The following COBL variants were observed in gnomAD, a reference collection of about 807,000 sequenced individuals.
COBL encodes the protein cordon-bleu WH2 repeat protein.
In COBL, 51 loss-of-function variants were observed where a neutral mutation model predicts 98.8. The ratio of observed to expected loss-of-function variants is 0.52; its 90% CI spans 0.41 to 0.65. The LOEUF is 0.65. COBL is among the 30% of genes least tolerant of loss of function. The pLI, the probability that COBL is intolerant of heterozygous loss-of-function variation, is 0.00. For missense variants in COBL, 1,617 were observed against 1,617.5 expected (o/e 1.00, Z 0.01); for synonymous variants, 634 against 651.7 (o/e 0.97, Z 0.41).
In COBL at chr7:51,177,781, AAT is replaced by A. The variant is rs1377283521; in HGVS notation, c.783+6319_783+6320del. Among the ~76,000 whole-genome samples the A allele has an allele frequency of 3.5e-3, 104 of 29,936 alleles. 1 individual carries two copies. Among genetic ancestry groups the A allele is most frequent in the African/African-American group, 7.4e-3 (101 of 13,586 alleles). 19.6% of individuals were successfully genotyped at this position (29,936 alleles called of 152,430 possible). On this transcript the variant is annotated intron_variant, in intron 5 of 12. Transcript: ENST00000265136. ...GAGAGGACTCTGTCTCAAAAAAATA[AAT>A]AAATAAATAAATAAATAAATAAATA...
At chr7:51,032,441 C>G (rs1450166820) in intron 8 of COBL, 1 of 152,222 alleles carries the variant, frequency 6.6e-6, no homozygotes, top group Non-Finnish European at 1.5e-5. Flanking sequence ...GGTTTGTTTT[C>G]CGCTGATTGT....
chr7:51,172,318 C>T lies in COBL; in HGVS notation c.783+11784G>A, dbSNP rs534649486. ...GGGCAACTAAAAAAGAATCAATAGG[C>T]GGCTTTCGACTCTATCTAGACTACA... On this transcript the variant is annotated intron_variant, in intron 5 of 12. Transcript: ENST00000265136. 2.4e-4 allele frequency: 71 copies of T among 301,830 alleles called. 1 individual carries two copies. Among genetic ancestry groups the T allele is most frequent in the African/African-American group, 1.4e-3 (63 of 44,712 alleles). The allele number at this position is 301,830 out of a possible 1,614,324, so 18.7% of individuals were successfully genotyped here. A position where few individuals can be genotyped will look rare whatever the true frequency, so the allele number is the denominator to read the frequency against.
At chr7:51,257,280 T>C (rs932145785) in intron 1 of COBL, among the ~76,000 whole-genome samples, 2 of 152,186 alleles carry the variant, frequency 1.3e-5, no homozygotes, top group Non-Finnish European at 2.9e-5. Context: ...CAACAGTTGC[T>C]TCTCCCCTCA....
At chr7:51,156,974 C>T (rs951348837) in intron 5 of COBL, among the ~76,000 whole-genome samples, 5 of 152,180 alleles carry the variant, frequency 3.3e-5, no homozygotes, top group African/African-American at 9.7e-5. Flanking sequence ...TCGCCCTTCT[C>T]ACAAGGAGAA....
At chr7:51,069,358 T>C (rs752435042) in intron 7 of COBL, among the ~76,000 whole-genome samples, 32 of 152,260 alleles carry the variant, frequency 2.1e-4, no homozygotes, top group Non-Finnish European at 4.0e-4. Context: ...CTCCTGACTA[T>C]AGGACATAAT....
intron 12 of COBL, among the ~76,000 whole-genome samples, chr7:51,020,069 G>A (rs137885693): frequency 1.3e-5 from 2 of 152,338 alleles, no homozygotes; most frequent in East Asian, 3.9e-4. Context: ...AGGCACCTGA[G>A]GGCCCAGACA....
rs560748990 is a variant in COBL, at chr7:51,185,287, G to A, written c.686-1088C>T. Among the ~76,000 whole-genome samples, 58 of 152,298 alleles carry A rather than the reference G, an allele frequency of 3.8e-4. No homozygotes were observed. The South Asian group carries it at 0.012, about 31-fold the overall frequency. On this transcript the variant is annotated intron_variant, in intron 4 of 12. Coordinates refer to ENST00000265136, the MANE Select transcript of COBL (RefSeq NM_015198.5). Reference sequence around the variant, plus strand: ...ACTCCAGACCCCCAGAATAAGAAACGCTGGGTGCAGGGCCCAGCACTACAC... The same window carrying A: ...ACTCCAGACCCCCAGAATAAGAAACACTGGGTGCAGGGCCCAGCACTACAC...
chr7:51,267,047 T>C (rs1380931083), intron 1 of COBL, among the ~76,000 whole-genome samples: 1 of 152,042 alleles, frequency 6.6e-6, no homozygotes, highest in Non-Finnish European at 1.5e-5. Flanking sequence ...AAAGATACCC[T>C]CTCAATTTTT....
In COBL at chr7:51,172,487, G is replaced by A. The variant is rs1397354411; in HGVS notation, c.783+11615C>T. ...ACCCCTTCCTGGGGCAGCCCTGGAG[G>A]TGTCCTCATCGCTGTCTGCACCCGA... is the stretch of plus-strand genomic sequence containing the variant. On this transcript the variant is annotated intron_variant, in intron 5 of 12. Coordinates refer to ENST00000265136, the MANE Select transcript of COBL (RefSeq NM_015198.5). 6 of 1,288,092 alleles carry A rather than the reference G, an allele frequency of 4.7e-6. No individual in the cohort carries two copies. The African/African-American group carries it at 9.1e-5, about 20-fold the overall frequency. 79.8% of individuals were successfully genotyped at this position (1,288,092 alleles called of 1,614,324 possible). A position where few individuals can be genotyped will look rare whatever the true frequency, so the allele number is the denominator to read the frequency against.
chr7:51,026,486 C>T (rs1165037862), intron 11 of COBL, 60 bp downstream of exon 11: 39 of 1,591,766 alleles, frequency 2.5e-5, no homozygotes, highest in African/African-American at 4.0e-5. Flanking sequence ...CCAAGTGCCT[C>T]GGAAGAAGGG....
intron 5 of COBL, among the ~76,000 whole-genome samples, chr7:51,157,300 G>A (rs920065454): frequency 2.2e-4 from 33 of 152,204 alleles, no homozygotes; most frequent in African/African-American, 8.0e-4. Flanking sequence ...TTAAACCCAG[G>A]AGGCAGAGGT....
chr7:51,066,295 A>T (rs986763800), intron 7 of COBL, among the ~76,000 whole-genome samples: 5 of 152,144 alleles, frequency 3.3e-5, no homozygotes, highest in African/African-American at 9.7e-5. Flanking sequence ...CTTGCACATG[A>T]GAGATCCTCC....
chr7:51,217,053 T>C (rs1046455935), intron 2 of COBL, among the ~76,000 whole-genome samples: 1 of 152,224 alleles, frequency 6.6e-6, no homozygotes, highest in Non-Finnish European at 1.5e-5. Flanking sequence ...AACTCACTGA[T>C]GCTTCAGGAA....
chr7:51,128,381 G>A (rs1798421784), intron 6 of COBL, among the ~76,000 whole-genome samples: 1 of 152,198 alleles, frequency 6.6e-6, no homozygotes, highest in Non-Finnish European at 1.5e-5. Context: ...ATGTGTGTGT[G>A]TGTATTTTAA....
At chr7:51,216,809 C>T (rs1243801293) in intron 2 of COBL, among the ~76,000 whole-genome samples, 1 of 152,116 alleles carries the variant, frequency 6.6e-6, no homozygotes, top group African/African-American at 2.4e-5. Flanking sequence ...CCTTGCTTAC[C>T]CTATGAAAAG....
chr7:51,089,463 C>T (rs913148329), intron 6 of COBL, among the ~76,000 whole-genome samples: 3 of 152,072 alleles, frequency 2.0e-5, no homozygotes, highest in Admixed American at 6.6e-5. Flanking sequence ...TGCAGTGAGC[C>T]GAGATCATGC....
chr7:51,190,809 T>C (rs1790034388), intron 4 of COBL, 41 bp downstream of exon 4: 1 of 1,540,232 alleles, frequency 6.5e-7, no homozygotes, highest in Non-Finnish European at 9.0e-7. Context: ...CGCGCATCCG[T>C]GTGATTATGG....
chr7:51,293,213 G>GA (rs1026097635), intron 1 of COBL, among the ~76,000 whole-genome samples: 10 of 152,168 alleles, frequency 6.6e-5, no homozygotes. Context: ...TGTAAAACAT[G>GA]AAACATAACA....
intron 6 of COBL, among the ~76,000 whole-genome samples, chr7:51,106,966 G>A (rs899984665): frequency 2.6e-5 from 4 of 151,456 alleles, no homozygotes; most frequent in Non-Finnish European, 5.9e-5. Context: ...GCTTATAATC[G>A]TATAAATTTA....
Sources: allele counts gnomAD v4.1 joint callset (sites outside exome capture counted in the v4.1 genomes callset), GRCh38; gene constraint gnomAD v4.1.1; transcripts MANE v1.5; gene names NCBI Gene and HGNC (gene_info 2026-07-23, HGNC 2026-07-21).